The following SCN3B variants were observed in gnomAD, a reference collection of about 807,000 sequenced individuals.
The protein encoded by SCN3B is sodium voltage-gated channel beta subunit 3, also known as sodium channel regulatory subunit beta-3.
Under a neutral mutation model 25.4 loss-of-function variants are expected in SCN3B, and 11 were observed. The observed-to-expected ratio is 0.43, with a 90% confidence interval of 0.27 to 0.72. The LOEUF (loss-of-function observed/expected upper bound fraction) is 0.72. Ranked by LOEUF, SCN3B falls within the 30% of genes least tolerant of loss-of-function variation. SCN3B has a pLI of 0.18. For missense variants in SCN3B, 218 were observed against 278.3 expected (o/e 0.78, Z 1.54); for synonymous variants, 109 against 110.7 (o/e 0.99, Z 0.09).
chr11:123,637,390 A>T (rs960950055), intron 5 of SCN3B, among the ~76,000 whole-genome samples: 2 of 152,212 alleles, frequency 1.3e-5, no homozygotes, highest in Non-Finnish European at 2.9e-5. Flanking sequence ...AAGAGCATGG[A>T]CATTAGCACT....
intron 5 of SCN3B, among the ~76,000 whole-genome samples, chr11:123,634,612 C>T (rs1168151530): frequency 1.3e-4 from 20 of 152,280 alleles, no homozygotes; most frequent in Admixed American, 1.0e-3. Context: ...CATGGTGGCA[C>T]GTGCCTGTAG....
chr11:123,651,744 T>G (rs1704666837), intron 2 of SCN3B, among the ~76,000 whole-genome samples: 1 of 152,080 alleles, frequency 6.6e-6, no homozygotes, highest in Non-Finnish European at 1.5e-5. Flanking sequence ...TTCAGTTTGG[T>G]GAGACAACAC....
At chr11:123,651,151 TA>T (rs963190844) in intron 2 of SCN3B, among the ~76,000 whole-genome samples, 7 of 151,774 alleles carry the variant, frequency 4.6e-5, no homozygotes, top group African/African-American at 1.7e-4. Flanking sequence ...TAAATCTCTT[TA>T]AAAAATAAAA....
At chr11:123,638,373 G>A (rs72552159) in intron 4 of SCN3B, 49 bp from the exon 5 acceptor site, 4 of 1,611,070 alleles carry the variant, frequency 2.5e-6, no homozygotes, top group South Asian at 2.2e-5. Flanking sequence ...AGCAAACCTA[G>A]AGCCGTCATT....
At chr11:123,638,887 T>C (rs551352940) in intron 4 of SCN3B, 16 of 188,386 alleles carry the variant, frequency 8.5e-5, no homozygotes, top group African/African-American at 1.2e-4. Context: ...CTCCATGAGA[T>C]ATGCGCATGT....
chr11:123,653,326 T>TTG (rs1955952599), intron 2 of SCN3B, among the ~76,000 whole-genome samples: 1 of 41,222 alleles, frequency 2.4e-5, no homozygotes, highest in Non-Finnish European at 7.1e-5. Context: ...GCTTTTATGG[T>TTG]TTTTTTTTTT....
intron 5 of SCN3B, among the ~76,000 whole-genome samples, chr11:123,635,764 C>G (rs1390023769): frequency 6.6e-6 from 1 of 152,074 alleles, no homozygotes; most frequent in Non-Finnish European, 1.5e-5. Flanking sequence ...ATTTACTGCT[C>G]TTTCTTTGAA....
At chr11:123,636,637 A>G (rs1222596307) in intron 5 of SCN3B, among the ~76,000 whole-genome samples, 2 of 151,524 alleles carry the variant, frequency 1.3e-5, no homozygotes, top group African/African-American at 4.9e-5. Context: ...CTGAAGAGTC[A>G]TCCCTCCCTC....
At chr11:123,652,370 C>A (rs181991267) in intron 2 of SCN3B, among the ~76,000 whole-genome samples, 2 of 152,356 alleles carry the variant, frequency 1.3e-5, no homozygotes, top group Admixed American at 1.3e-4. Context: ...CTGACATTAC[C>A]TCCCTCCTCA....
intron 2 of SCN3B, among the ~76,000 whole-genome samples, chr11:123,653,275 G>A (rs980951850): frequency 1.3e-5 from 2 of 151,232 alleles, no homozygotes; most frequent in African/African-American, 4.9e-5. Context: ...AGAAGATGAT[G>A]AGCAACTAAA....
In SCN3B at chr11:123,644,800, AATATATATATATATATATATAT is replaced by A. The variant is rs56135097; in HGVS notation, c.219+765_219+786del. Among the ~76,000 whole-genome samples the A allele has an allele frequency of 6.1e-4, 28 of 45,586 alleles. 1 individual carries two copies. The East Asian group carries it at 7.6e-3, about 12-fold the overall frequency. 29.9% of individuals were successfully genotyped at this position (45,586 alleles called of 152,430 possible). On this transcript the variant is annotated intron_variant, in intron 3 of 6. Transcript: ENST00000299333. ...GAGAGAGAGAGAGAGAGAGAGAGAG[AATATATATATATATATATATAT>A]ATATATATATATATATATACACACA... is the stretch of plus-strand genomic sequence containing the variant.
intron 2 of SCN3B, among the ~76,000 whole-genome samples, chr11:123,653,055 C>G (rs1268707517): frequency 6.6e-6 from 1 of 151,774 alleles, no homozygotes; most frequent in Non-Finnish European, 1.5e-5. Context: ...AGCTGACAAG[C>G]AAGAATCTAT....
intron 2 of SCN3B, among the ~76,000 whole-genome samples, chr11:123,646,799 G>A (rs139244180): frequency 3.1e-4 from 47 of 152,342 alleles, no homozygotes; most frequent in Non-Finnish European, 5.6e-4. Context: ...TACGCAGGAG[G>A]AAGGAGGCGT....
At chr11:123,651,662 C>A (rs1032281169) in intron 2 of SCN3B, among the ~76,000 whole-genome samples, 4 of 152,168 alleles carry the variant, frequency 2.6e-5, no homozygotes, top group Admixed American at 2.6e-4. Context: ...CTGCGCCTGG[C>A]GAAGGGAAGC....
rs1046714313 is a variant in SCN3B at position 123,630,087 on chromosome 11, T to C, written c.*3712A>G. ...CACATTCCTGCTTTGAAAAGTAACT[T>C]TCCTAGTAATATTTCTAGTTGGACA... On this transcript the variant is annotated 3_prime_UTR_variant, in exon 7 of 7. Transcript: ENST00000299333. 6.6e-6 allele frequency: 1 copy of C among 152,222 alleles called. No individual in the cohort carries two copies. Among genetic ancestry groups the C allele is most frequent in the Admixed American group, 6.5e-5 (1 of 15,280 alleles). The allele number at this position is 152,222 out of a possible 1,614,324, so 9.4% of individuals were successfully genotyped here.
At chr11:123,643,581 T>C (rs1955814317) in intron 3 of SCN3B, among the ~76,000 whole-genome samples, 2 of 152,274 alleles carry the variant, frequency 1.3e-5, no homozygotes, top group South Asian at 4.1e-4. Flanking sequence ...GGCCACTGTA[T>C]CGCACAGCAC....
chr11:123,647,444 C>A (rs910825591), intron 2 of SCN3B, among the ~76,000 whole-genome samples: 1 of 152,210 alleles, frequency 6.6e-6, no homozygotes, highest in African/African-American at 2.4e-5. Flanking sequence ...CACCACTGCA[C>A]TCCAGACTGG....
chr11:123,643,706 A>G (rs1464391970), intron 3 of SCN3B, among the ~76,000 whole-genome samples: 2 of 152,068 alleles, frequency 1.3e-5, no homozygotes, highest in Non-Finnish European at 2.9e-5. Flanking sequence ...CTTCTGATCC[A>G]CCTTTTCCTC....
chr11:123,641,523 T>C (rs1955791322), intron 4 of SCN3B, among the ~76,000 whole-genome samples: 1 of 152,176 alleles, frequency 6.6e-6, no homozygotes, highest in African/African-American at 2.4e-5. Flanking sequence ...TGTCTTTAAC[T>C]TGATCTTTTC....
Sources: gnomAD v4.1 joint callset for allele counts (sites outside exome capture counted in the v4.1 genomes callset) on GRCh38, gnomAD v4.1.1 for gene constraint, MANE v1.5 for transcripts, NCBI Gene and HGNC (gene_info 2026-07-23, HGNC 2026-07-21) for gene names.